Variants in ZNF423 observed in about 807,000 individuals in gnomAD.
ZNF423 encodes zinc finger protein 423, also known as Ebf-associated zinc finger protein.
In ZNF423, 12 loss-of-function variants were observed where a neutral mutation model predicts 95.8. The observed-to-expected ratio is 0.13, with a 90% CI of 0.08 to 0.20. The LOEUF (loss-of-function observed/expected upper bound fraction) is 0.20, where lower values mean the gene tolerates loss of function less well. ZNF423 is among the 10% of genes least tolerant of loss of function. The pLI is 1.00. For missense variants in ZNF423, 1,316 were observed against 1,737.1 expected, an observed-to-expected ratio of 0.76 and a Z score of 4.31; for synonymous variants, 749 against 711.9, an observed-to-expected ratio of 1.05 and a Z score of -0.83.
intron 2 of ZNF423, among the ~76,000 whole-genome samples, chr16:49,786,213 C>T (rs1027830135): frequency 7.9e-5 from 12 of 152,244 alleles, no homozygotes; most frequent in African/African-American, 2.7e-4. Context: ...CAGGCAAGGC[C>T]AGGCTCTCCA....
intron 5 of ZNF423, among the ~76,000 whole-genome samples, chr16:49,573,560 G>C (rs1970412165): frequency 6.6e-6 from 1 of 152,156 alleles, no homozygotes. Flanking sequence ...GTGTGTGCCT[G>C]TCTACTCAGG....
At chr16:49,848,413 A>C (rs976867768) in intron 1 of ZNF423, among the ~76,000 whole-genome samples, 6 of 152,226 alleles carry the variant, frequency 3.9e-5, no homozygotes, top group African/African-American at 1.4e-4. Context: ...AATATTCAAA[A>C]CAGTGAGTTC....
chr16:49,762,359 A>C (rs1053790489), intron 2 of ZNF423, among the ~76,000 whole-genome samples: 3 of 152,116 alleles, frequency 2.0e-5, no homozygotes, highest in African/African-American at 7.2e-5. Flanking sequence ...TCTTCCCTCC[A>C]TCTCTGGCTA....
At chr16:49,614,329 T>C (rs1385232072) in intron 5 of ZNF423, among the ~76,000 whole-genome samples, 2 of 152,088 alleles carry the variant, frequency 1.3e-5, no homozygotes, top group African/African-American at 4.8e-5. Flanking sequence ...AGAAATGTGA[T>C]CTTTCCTACA....
chr16:49,682,277 G>A (rs934384174), intron 3 of ZNF423, among the ~76,000 whole-genome samples: 7 of 149,314 alleles, frequency 4.7e-5, no homozygotes, highest in South Asian at 2.1e-4. Context: ...TTCTCCAACC[G>A]TCTCCCTGGA....
intron 5 of ZNF423, among the ~76,000 whole-genome samples, chr16:49,608,585 C>A (rs1277510110): frequency 6.6e-6 from 1 of 152,078 alleles, no homozygotes; most frequent in Admixed American, 6.5e-5. Context: ...AGCCAGGGAC[C>A]CAAGGAGTGA....
At chr16:49,504,920 A>G (rs1967571517) in intron 7 of ZNF423, among the ~76,000 whole-genome samples, 1 of 152,342 alleles carries the variant, frequency 6.6e-6, no homozygotes, top group Non-Finnish European at 1.5e-5. Context: ...ACCTGCAGTC[A>G]TAGGCCAGTC....
At chr16:49,537,582 G>A (rs1252343248) in intron 5 of ZNF423, among the ~76,000 whole-genome samples, 1 of 152,172 alleles carries the variant, frequency 6.6e-6, no homozygotes, top group Admixed American at 6.5e-5. Flanking sequence ...TCTACTCTGG[G>A]GAAGCGGGTC....
At position 49,649,660 on chromosome 16, in the gene ZNF423, CA is replaced by C. The variant is rs1567532031; in HGVS notation, c.302-10787del. On this transcript the variant is annotated intron_variant, in intron 3 of 7. Transcript: ENST00000563137. ...AAGTACACACACACACACACACACACACACACACAGGGAGAGAGAGAGAGAG... is the reference window on the plus strand; with the variant it reads ...AAGTACACACACACACACACACACACCACACACAGGGAGAGAGAGAGAGAG... Among the ~76,000 whole-genome samples, 542 of 132,642 alleles carry C rather than the reference CA, an allele frequency of 4.1e-3. 3 individuals are homozygous for C. The highest frequency in any genetic ancestry group is 0.015 in the African/African-American group (485 of 33,308). The allele number at this position is 132,642 out of a possible 152,430, so 87.0% of individuals were successfully genotyped here. A position where few individuals can be genotyped will look rare whatever the true frequency, so the allele number is the denominator to read the frequency against.
chr16:49,768,810 C>T (rs927049073), intron 2 of ZNF423, among the ~76,000 whole-genome samples: 1 of 152,104 alleles, frequency 6.6e-6, no homozygotes, highest in Non-Finnish European at 1.5e-5. Context: ...CATCCTCCCC[C>T]GATTGCCAGA....
At chr16:49,642,379 AT>A (rs1973002758) in intron 3 of ZNF423, among the ~76,000 whole-genome samples, 1 of 152,192 alleles carries the variant, frequency 6.6e-6, no homozygotes, top group Non-Finnish European at 1.5e-5. Flanking sequence ...GAAAAGGAGA[AT>A]CTTAACCTGC....
At chr16:49,858,721 C>CA (rs988860498), upstream of ZNF423, among the ~76,000 whole-genome samples, 9 of 141,924 alleles carry the variant, frequency 6.3e-5, no homozygotes, top group Admixed American at 4.1e-4. The surrounding 1 kb of genome is among the most constrained non-coding windows in gnomAD (Gnocchi z 4.3). Flanking sequence ...ATAGGAGCCC[C>CA]CCCCCCCACG....
intron 7 of ZNF423, among the ~76,000 whole-genome samples, chr16:49,520,138 G>A (rs192772680): frequency 1.1e-4 from 17 of 152,208 alleles, no homozygotes; most frequent in South Asian, 4.2e-4. Flanking sequence ...TGCAGACCCC[G>A]TGGGTATTTC....
chr16:49,635,551 G>T lies in ZNF423; in HGVS notation c.3516+109C>A. 2.1e-6 allele frequency: 3 copies of T among 1,419,182 alleles called. No homozygotes were observed. The highest frequency in any genetic ancestry group is 2.8e-6 in the Non-Finnish European group (3 of 1,067,622). The allele number at this position is 1,419,182 out of a possible 1,614,324, so 87.9% of individuals were successfully genotyped here. On this transcript the variant is annotated intron_variant, in intron 4 of 7. Transcript: ENST00000563137. The surrounding 1 kb of genome is among the most constrained non-coding windows in gnomAD (Gnocchi z 4.8). ...CAGCAGTTCTGTTTTGCCACTGCGC[G>T]ATAGCGCCGCTTCTTGGAAACACGG...
At chr16:49,663,140 C>T (rs191158517) in intron 3 of ZNF423, among the ~76,000 whole-genome samples, 1 of 152,320 alleles carries the variant, frequency 6.6e-6, no homozygotes, top group Non-Finnish European at 1.5e-5. Context: ...CACCCCATCG[C>T]GCCATTCTCA....
intron 2 of ZNF423, among the ~76,000 whole-genome samples, chr16:49,734,122 A>G (rs994840854): frequency 2.0e-5 from 3 of 152,186 alleles, no homozygotes; most frequent in African/African-American, 7.2e-5. Flanking sequence ...AGCTCCAAGG[A>G]CATCAGACCT....
chr16:49,650,630 CACCCAGGCATCCTGGGATGGA>C (rs1973366072), intron 3 of ZNF423, among the ~76,000 whole-genome samples: 3 of 152,342 alleles, frequency 2.0e-5, no homozygotes, highest in South Asian at 4.1e-4. Flanking sequence ...GGGGGCCACA[CACCCAGGCATCCTGGGATGGA>C]ACCCAGCATC....
chr16:49,712,647 T>G (rs999042591), intron 3 of ZNF423, among the ~76,000 whole-genome samples: 2 of 152,248 alleles, frequency 1.3e-5, no homozygotes, highest in Non-Finnish European at 2.9e-5. Flanking sequence ...CAGGGACGGC[T>G]GAACCTCGGC....
chr16:49,789,661 C>T (rs549339889), intron 1 of ZNF423, 115 bp from the exon 2 acceptor site: 22 of 962,936 alleles, frequency 2.3e-5, no homozygotes, highest in African/African-American at 1.2e-4. Flanking sequence ...TAATACCCAT[C>T]ACCAGGGGAG....
Sources: gnomAD v4.1 joint callset for allele counts (sites outside exome capture counted in the v4.1 genomes callset) on GRCh38, gnomAD v4.1.1 for gene constraint, Gnocchi (gnomAD v3.1) non-coding constraint, MANE v1.5 for transcripts, NCBI Gene and HGNC (gene_info 2026-07-23, HGNC 2026-07-21) for gene names.